Variants in NKAIN3 observed in about 807,000 individuals in gnomAD.
The protein encoded by NKAIN3 is sodium/potassium transporting ATPase interacting 3.
A neutral mutation model predicts 30.2 loss-of-function variants in NKAIN3; 25 were observed. That is an observed-to-expected ratio of 0.83 (90% CI 0.60 to 1.16). The LOEUF is 1.16. Ranked by LOEUF, NKAIN3 falls within the 50% of genes most tolerant of loss-of-function variation. The probability of loss-of-function intolerance (pLI) is 0.00; values close to 1 mark genes in which losing one functional copy is unlikely to be tolerated. For synonymous variants in NKAIN3, 91 were observed against 89.6 expected, an observed-to-expected ratio of 1.02 and a Z score of -0.09; for missense variants, 225 against 254.1, an observed-to-expected ratio of 0.89 and a Z score of 0.78.
At chr8:62,876,020 TA>T (rs1270931428) in intron 4 of NKAIN3, among the ~76,000 whole-genome samples, 1 of 152,056 alleles carries the variant, frequency 6.6e-6, no homozygotes, top group African/African-American at 2.4e-5. Context: ...CAAAAGAAAC[TA>T]GCATTAGAGT....
chr8:62,626,534 A>C (rs1283531370), intron 3 of NKAIN3, among the ~76,000 whole-genome samples: 1 of 152,072 alleles, frequency 6.6e-6, no homozygotes, highest in African/African-American at 2.4e-5. Context: ...CCCAGGGTGG[A>C]GGAAGGAGAC....
intron 1 of NKAIN3, among the ~76,000 whole-genome samples, chr8:62,510,889 A>T (rs143024502): frequency 6.6e-6 from 1 of 151,804 alleles, no homozygotes; most frequent in East Asian, 2.0e-4. Context: ...TCCTGTGTTT[A>T]CTTCCTAAGC....
At chr8:62,936,704 A>G (rs973872137) in intron 5 of NKAIN3, among the ~76,000 whole-genome samples, 4 of 152,112 alleles carry the variant, frequency 2.6e-5, no homozygotes, top group African/African-American at 9.7e-5. Flanking sequence ...ACAATTTTAA[A>G]CCATTCCATC....
At chr8:62,774,069 CT>C (rs778050136) in intron 4 of NKAIN3, among the ~76,000 whole-genome samples, 28 of 152,200 alleles carry the variant, frequency 1.8e-4, no homozygotes, top group Admixed American at 3.9e-4. Context: ...TTTTCTGTGT[CT>C]TAAATTTTAT....
chr8:62,941,860 GGA>G (rs1170023577), intron 5 of NKAIN3, among the ~76,000 whole-genome samples: 3 of 152,060 alleles, frequency 2.0e-5, no homozygotes, highest in Admixed American at 1.3e-4. Context: ...AACAAGACAA[GGA>G]TGCCCACTTT....
chr8:62,876,236 C>T (rs1426111684), intron 4 of NKAIN3, among the ~76,000 whole-genome samples: 28 of 148,070 alleles, frequency 1.9e-4, no homozygotes, highest in Admixed American at 1.7e-3. Context: ...TCAACATCAC[C>T]GATCAGCAAA....
chr8:62,251,209 T>C (rs1812090684), intron 1 of NKAIN3, among the ~76,000 whole-genome samples: 1 of 152,164 alleles, frequency 6.6e-6, no homozygotes, highest in South Asian at 2.1e-4. Context: ...AAACAGTTTT[T>C]CCATAATCAA....
intron 4 of NKAIN3, among the ~76,000 whole-genome samples, chr8:62,768,071 C>G (rs1816899617): frequency 6.6e-6 from 1 of 152,072 alleles, no homozygotes; most frequent in Admixed American, 6.6e-5. Flanking sequence ...AAGGGTGATG[C>G]AGCCTCTGCT....
intron 1 of NKAIN3, among the ~76,000 whole-genome samples, chr8:62,256,408 G>T (rs1358677699): frequency 2.6e-5 from 4 of 152,034 alleles, no homozygotes; most frequent in Non-Finnish European, 5.9e-5. Context: ...GACAGAACAA[G>T]AATCTGTCTC....
intron 3 of NKAIN3, among the ~76,000 whole-genome samples, chr8:62,701,243 C>G (rs1814321106): frequency 6.6e-6 from 1 of 152,176 alleles, no homozygotes; most frequent in South Asian, 2.1e-4. Flanking sequence ...TAAAACATGG[C>G]AGCAGACCAG....
intron 4 of NKAIN3, among the ~76,000 whole-genome samples, chr8:62,809,959 T>C (rs934096589): frequency 6.6e-6 from 1 of 152,146 alleles, no homozygotes; most frequent in African/African-American, 2.4e-5. Flanking sequence ...ATAATTGTAA[T>C]TAAGATCAGA....
intron 1 of NKAIN3, among the ~76,000 whole-genome samples, chr8:62,327,303 A>T (rs982354816): frequency 6.6e-6 from 1 of 152,010 alleles, no homozygotes; most frequent in East Asian, 1.9e-4. Flanking sequence ...TTTGATACAC[A>T]AAAGCTTTAA....
intron 1 of NKAIN3, among the ~76,000 whole-genome samples, chr8:62,487,613 A>G (rs1231376827): frequency 6.6e-6 from 1 of 152,160 alleles, no homozygotes; most frequent in African/African-American, 2.4e-5. Context: ...ACTTTCTTTT[A>G]AAATTGTATT....
rs1199842979 is a variant in NKAIN3, at chr8:62,966,399, T to A, written c.*992T>A. The A allele has an allele frequency of 2.2e-5, 22 of 984,910 alleles. No individual in the cohort carries two copies. Among genetic ancestry groups the A allele is most frequent in the Non-Finnish European group, 2.7e-5 (22 of 829,582 alleles). The allele number at this position is 984,910 out of a possible 1,614,324, so 61.0% of individuals were successfully genotyped here. On this transcript the variant is annotated 3_prime_UTR_variant, in exon 7 of 7. Transcript: ENST00000623646. ...AGCAATTATCTGTGGAAAAAAGGAC[T>A]GTCTTGAAAACGCATCACAGTTGTA...
At chr8:62,253,198 C>T (rs1812164602) in intron 1 of NKAIN3, among the ~76,000 whole-genome samples, 1 of 152,184 alleles carries the variant, frequency 6.6e-6, no homozygotes. Flanking sequence ...AAAACTCTCA[C>T]CAGACATATC....
At chr8:62,447,820 C>A (rs1446166653) in intron 1 of NKAIN3, among the ~76,000 whole-genome samples, 1 of 151,862 alleles carries the variant, frequency 6.6e-6, no homozygotes, top group Non-Finnish European at 1.5e-5. Flanking sequence ...TACTTCAAGG[C>A]CAAATGGAAA....
intron 1 of NKAIN3, among the ~76,000 whole-genome samples, chr8:62,401,247 A>AT (rs550612799): frequency 1.1e-4 from 17 of 151,972 alleles, no homozygotes; most frequent in African/African-American, 2.2e-4. Context: ...AGTCAATTGC[A>AT]TTTTTTTAAC....
chr8:62,705,816 A>G (rs571136890), intron 3 of NKAIN3, among the ~76,000 whole-genome samples: 1 of 152,216 alleles, frequency 6.6e-6, no homozygotes, highest in African/African-American at 2.4e-5. Flanking sequence ...GCATGTTACA[A>G]ATAGCTTTGT....
chr8:62,256,950 C>A (rs1239331398), intron 1 of NKAIN3, among the ~76,000 whole-genome samples: 1 of 152,086 alleles, frequency 6.6e-6, no homozygotes, highest in Non-Finnish European at 1.5e-5. Context: ...ACTTTACAAA[C>A]CAAATTTCTT....
Sources: allele counts gnomAD v4.1 joint callset (sites outside exome capture counted in the v4.1 genomes callset), GRCh38; gene constraint gnomAD v4.1.1; transcripts MANE v1.5; gene names NCBI Gene and HGNC (gene_info 2026-07-23, HGNC 2026-07-21).